NT5DC3: variants seen among roughly 807,000 people sequenced by gnomAD.
The protein encoded by NT5DC3 is 5'-nucleotidase domain containing 3.
Under a neutral mutation model 67.8 loss-of-function variants are expected in NT5DC3, and 42 were observed. That is an observed-to-expected ratio of 0.62 (90% CI 0.48 to 0.80). The LOEUF (loss-of-function observed/expected upper bound fraction) is 0.80. Ranked by LOEUF, NT5DC3 falls within the 30% of genes least tolerant of loss-of-function variation. NT5DC3 has a pLI of 0.00. For missense variants in NT5DC3, 570 were observed against 696.4 expected, an observed-to-expected ratio of 0.82 and a Z score of 2.04; for synonymous variants, 237 against 255.6, an observed-to-expected ratio of 0.93 and a Z score of 0.69.
At position 103,785,341 on chromosome 12, in the gene NT5DC3, C is replaced by T. The variant is rs753959878; in HGVS notation, c.1323G>A (p.Gln441=). Residue 441 remains glutamine (Q), a synonymous_variant, in exon 12 of 14, where the codon CAG becomes CAA. Transcript: ENST00000392876. The part of the protein sequence containing the change: ...WLQTLTGLLE[Q]MQVHRDAESQ... ...AAAAATAATATATCCAAACCTGCATCTGTTCCAATAAGCCAGTCAAGGTCT... is the reference window on the plus strand; with the variant it reads ...AAAAATAATATATCCAAACCTGCATTTGTTCCAATAAGCCAGTCAAGGTCT... 10 of 1,613,968 alleles carry T rather than the reference C, an allele frequency of 6.2e-6. No homozygotes were observed. The East Asian group carries it at 2.0e-4, about 32-fold the overall frequency.
chr12:103,810,750 C>T (rs1886994453), intron 2 of NT5DC3, among the ~76,000 whole-genome samples: 1 of 152,104 alleles, frequency 6.6e-6, no homozygotes, highest in Admixed American at 6.6e-5. Flanking sequence ...AATGCAGCAG[C>T]GAACCCAGGA....
intron 2 of NT5DC3, 82 bp from the exon 3 acceptor site, chr12:103,807,011 G>T: frequency 2.5e-6 from 2 of 813,312 alleles, no homozygotes; most frequent in Non-Finnish European, 2.1e-6. Flanking sequence ...TTGTACAAAG[G>T]CTGAGGTAGT....
At position 103,787,258 on chromosome 12, in the gene NT5DC3, TAA is replaced by T. The variant is rs60157729; in HGVS notation, c.1188+181_1188+182del. On this transcript the variant is annotated intron_variant, in intron 11 of 13. Transcript: ENST00000392876. ...ACAACTCTGATCCATCCTGTTCTGT[TAA>T]AAAAAAAAAAAAGACATTAAAAAAA... 2.8e-3 allele frequency among the ~76,000 whole-genome samples: 405 copies of T among 143,546 alleles called. 1 individual carries two copies. The highest frequency in any genetic ancestry group is 8.9e-3 in the African/African-American group (343 of 38,694). 94.2% of individuals were successfully genotyped at this position (143,546 alleles called of 152,430 possible).
intron 1 of NT5DC3, among the ~76,000 whole-genome samples, chr12:103,829,209 G>A (rs1009453673): frequency 2.6e-5 from 4 of 152,164 alleles, no homozygotes; most frequent in African/African-American, 9.7e-5. Context: ...TTTCTATAAA[G>A]GGTCAGTTAG....
At chr12:103,755,659 T>C in the NT5DC3 span, 1 of 1,614,190 alleles carries the variant, frequency 6.2e-7, no homozygotes, top group Non-Finnish European at 8.5e-7. Flanking sequence ...TGGCTTCTCA[T>C]GCAGTGGGAA....
chr12:103,766,164 C>T, downstream of NT5DC3: 2 of 1,320,934 alleles, frequency 1.5e-6, no homozygotes, highest in Non-Finnish European at 2.2e-6. Context: ...CAAACACGCC[C>T]AGCACATACG....
chr12:103,800,637 G>A (rs1886529703), intron 4 of NT5DC3, among the ~76,000 whole-genome samples: 3 of 152,182 alleles, frequency 2.0e-5, no homozygotes, highest in Admixed American at 2.0e-4. Flanking sequence ...CAGCTGCATC[G>A]AATGAAGAGC....
chr12:103,818,723 T>C (rs1330509038), intron 1 of NT5DC3, among the ~76,000 whole-genome samples: 1 of 152,174 alleles, frequency 6.6e-6, no homozygotes, highest in Non-Finnish European at 1.5e-5. Context: ...GACATATCTG[T>C]TACAGACATT....
Position 103,780,307 on chromosome 12 carries a change from C to T in NT5DC3, c.1387G>A (p.Glu463Lys), listed in dbSNP as rs1418307931. The change falls in exon 13 of 14, where the codon GAG (glutamate) becomes AAG (lysine). Residue 463 changes from glutamate (E) to lysine (K), a missense_variant. Coordinates refer to ENST00000392876, the MANE Select transcript of NT5DC3 (RefSeq NM_001031701.3). Reference protein sequence around the residue: ...VLQEWKKERKEMREMTKSFFN... With the variant: ...VLQEWKKERKKMREMTKSFFN... Reference sequence around the variant, plus strand: ...AATACAGGCCTCTCTTACCGCATCTCCTTCCTTTCCTTTTTCCACTCCTGC... The same window carrying T: ...AATACAGGCCTCTCTTACCGCATCTTCTTCCTTTCCTTTTTCCACTCCTGC... 1 of 1,613,544 alleles carries T rather than the reference C, an allele frequency of 6.2e-7. No homozygotes were observed. The highest frequency in any genetic ancestry group is 1.7e-5 in the Admixed American group (1 of 60,034).
At chr12:103,769,555 G>C (rs1885135929), downstream of NT5DC3, among the ~76,000 whole-genome samples, 1 of 152,252 alleles carries the variant, frequency 6.6e-6, no homozygotes, top group Admixed American at 6.5e-5. Flanking sequence ...GCTTGGAGGA[G>C]TGCCGGGTCA....
intron 12 of NT5DC3, among the ~76,000 whole-genome samples, chr12:103,781,397 G>A (rs889597143): frequency 6.6e-6 from 1 of 152,234 alleles, no homozygotes; most frequent in Non-Finnish European, 1.5e-5. Context: ...TCAGAGGCCA[G>A]GGACGCATGC....
In NT5DC3 at chr12:103,773,511, G is replaced by C. The variant is rs528749944; in HGVS notation, c.*4318C>G. 1 of 152,262 alleles carries C rather than the reference G, an allele frequency of 6.6e-6. No homozygotes were observed. The highest frequency in any genetic ancestry group is 2.4e-5 in the African/African-American group (1 of 41,552). 9.4% of individuals were successfully genotyped at this position (152,262 alleles called of 1,614,324 possible). A position where few individuals can be genotyped will look rare whatever the true frequency, so the allele number is the denominator to read the frequency against. ...CTAAATGACACTAGTAGTGTCAAAGGTTAGCTGAACTTTGAGCTAAGCTCC... is the reference window on the plus strand; with the variant it reads ...CTAAATGACACTAGTAGTGTCAAAGCTTAGCTGAACTTTGAGCTAAGCTCC... On this transcript the variant is annotated 3_prime_UTR_variant, in exon 14 of 14. Transcript: ENST00000392876.
rs3036176 is a variant in NT5DC3, at chr12:103,786,681, A to ATTTTTTTTTTTTTTTTT, written c.1188+743_1188+759dup. Among the ~76,000 whole-genome samples, 7 of 132,366 alleles carry ATTTTTTTTTTTTTTTTT rather than the reference A, an allele frequency of 5.3e-5. 3 individuals are homozygous for ATTTTTTTTTTTTTTTTT. The highest frequency in any genetic ancestry group is 1.6e-5 in the Non-Finnish European group (1 of 63,134). The allele number at this position is 132,366 out of a possible 152,430, so 86.8% of individuals were successfully genotyped here. A position where few individuals can be genotyped will look rare whatever the true frequency, so the allele number is the denominator to read the frequency against. On this transcript the variant is annotated intron_variant, in intron 11 of 13. Transcript: ENST00000392876. ...GATGCCCACCTTCCTCACTGGTTTGATTTTTTTTTTTTTTTTTTTGAGGCA... is the reference window on the plus strand; with the variant it reads ...GATGCCCACCTTCCTCACTGGTTTGATTTTTTTTTTTTTTTTTTTTTTTTTTTTTTTTTTTTGAGGCA...
chr12:103,747,455 G>A, the NT5DC3 span, among the ~76,000 whole-genome samples: 3 of 152,156 alleles, frequency 2.0e-5, no homozygotes, highest in African/African-American at 7.2e-5. Flanking sequence ...CTCTGCCATC[G>A]TTCACTCACC....
chr12:103,769,669 C>T (rs947073222), downstream of NT5DC3, among the ~76,000 whole-genome samples: 3 of 152,226 alleles, frequency 2.0e-5, no homozygotes, highest in African/African-American at 7.2e-5. Flanking sequence ...CTGTTGGCCA[C>T]CCCAGCTGAC....
intron 12 of NT5DC3, among the ~76,000 whole-genome samples, chr12:103,783,180 G>A (rs1299555483): frequency 6.6e-6 from 1 of 152,204 alleles, no homozygotes; most frequent in Non-Finnish European, 1.5e-5. Context: ...AACTTTCTAA[G>A]GGAACACTGA....
chr12:103,816,265 A>G (rs967595045), intron 1 of NT5DC3, among the ~76,000 whole-genome samples: 1 of 152,224 alleles, frequency 6.6e-6, no homozygotes, highest in African/African-American at 2.4e-5. Flanking sequence ...TCCCTAATCA[A>G]AAAGTCCGAA....
intron 1 of NT5DC3, among the ~76,000 whole-genome samples, chr12:103,817,046 A>C (rs1593425621): frequency 6.8e-6 from 1 of 148,072 alleles, no homozygotes; most frequent in East Asian, 2.1e-4. Flanking sequence ...AAAAAGAAAA[A>C]AAAAAGAAAG....
the NT5DC3 span, among the ~76,000 whole-genome samples, chr12:103,762,924 G>A: frequency 2.6e-5 from 4 of 152,182 alleles, no homozygotes; most frequent in African/African-American, 7.2e-5. Flanking sequence ...TATGGCCGGG[G>A]CAGCAGCACA....
Sources: allele counts gnomAD v4.1 joint callset (sites outside exome capture counted in the v4.1 genomes callset), GRCh38; gene constraint gnomAD v4.1.1; transcripts MANE v1.5; gene names NCBI Gene and HGNC (gene_info 2026-07-23, HGNC 2026-07-21).